CSMD2: variants seen among roughly 807,000 people sequenced by gnomAD.
CSMD2 encodes the protein CUB and Sushi multiple domains 2, also known as CUB and sushi domain-containing protein 2.
Under a neutral mutation model 398.5 loss-of-function variants are expected in CSMD2, and 130 were observed. The ratio of observed to expected loss-of-function variants is 0.33; its 90% CI spans 0.28 to 0.38. The LOEUF is 0.38. CSMD2 is among the 10% of genes least tolerant of loss of function. The pLI is 1.00. For synonymous variants in CSMD2, 1,828 were observed against 1,908.5 expected (o/e 0.96, Z 1.10); for missense variants, 3,829 against 4,764.9 (o/e 0.80, Z 5.78).
intron 13 of CSMD2, among the ~76,000 whole-genome samples, chr1:33,761,148 AG>A (rs1649769214): frequency 6.6e-6 from 1 of 152,178 alleles, no homozygotes; most frequent in Non-Finnish European, 1.5e-5. Flanking sequence ...GGTACTGAAC[AG>A]CCCTTCACTT....
intron 1 of CSMD2, among the ~76,000 whole-genome samples, chr1:34,154,505 G>T (rs1317752122): frequency 6.6e-6 from 1 of 152,094 alleles, no homozygotes; most frequent in Non-Finnish European, 1.5e-5. Context: ...CTATCCTCAG[G>T]GGAACAGATA....
At chr1:33,711,899 C>G (rs893667847) in intron 21 of CSMD2, among the ~76,000 whole-genome samples, 8 of 152,304 alleles carry the variant, frequency 5.3e-5, no homozygotes, top group African/African-American at 1.9e-4. Context: ...CCTGTCAGGC[C>G]TTTGTCCTGG....
intron 12 of CSMD2, among the ~76,000 whole-genome samples, chr1:33,778,828 G>A (rs949425621): frequency 6.6e-6 from 1 of 152,174 alleles, no homozygotes; most frequent in South Asian, 2.1e-4. Context: ...CTCTGGCTGG[G>A]AGCGCTGGAC....
At chr1:33,700,058 G>A (rs1023472151) in intron 23 of CSMD2, among the ~76,000 whole-genome samples, 1 of 151,132 alleles carries the variant, frequency 6.6e-6, no homozygotes, top group African/African-American at 2.4e-5. Context: ...ACCCAGGCTA[G>A]AGTGCAGTGG....
intron 5 of CSMD2, chr1:33,885,261 G>T (rs1641511512): frequency 6.6e-6 from 1 of 151,974 alleles, no homozygotes; most frequent in African/African-American, 2.4e-5. Flanking sequence ...TATTTCCAGT[G>T]GCCTATGCAG....
chr1:33,926,545 C>T (rs1406148034), intron 4 of CSMD2, among the ~76,000 whole-genome samples: 1 of 152,168 alleles, frequency 6.6e-6, no homozygotes, highest in South Asian at 2.1e-4. Context: ...CTTGCATCAT[C>T]CTGTTTTGAT....
chr1:33,744,411 A>T (rs774407574), intron 13 of CSMD2, among the ~76,000 whole-genome samples: 40 of 152,198 alleles, frequency 2.6e-4, no homozygotes, highest in Admixed American at 6.5e-4. Flanking sequence ...TTCTGAAGAA[A>T]CTGGGGGAGG....
chr1:33,625,831 T>C (rs1642088762), intron 33 of CSMD2, among the ~76,000 whole-genome samples: 1 of 152,070 alleles, frequency 6.6e-6, no homozygotes, highest in South Asian at 2.1e-4. Flanking sequence ...CCTACAAAAG[T>C]GGATGTTCTC....
chr1:33,879,969 T>G (rs1460384301), intron 5 of CSMD2, among the ~76,000 whole-genome samples: 2 of 152,198 alleles, frequency 1.3e-5, no homozygotes, highest in African/African-American at 4.8e-5. Context: ...TTGTAAACAT[T>G]ACCTTATTTA....
intron 3 of CSMD2, among the ~76,000 whole-genome samples, chr1:34,027,175 A>T (rs1005240381): frequency 6.6e-6 from 1 of 152,238 alleles, no homozygotes; most frequent in African/African-American, 2.4e-5. Flanking sequence ...GCACTTACAA[A>T]GAAGATAAGA....
At position 33,826,909 on chromosome 1, in the gene CSMD2, G is replaced by A. The variant is rs1023407870; in HGVS notation, c.1034-1135C>T. Among the ~76,000 whole-genome samples, 3 of 152,268 alleles carry A rather than the reference G, an allele frequency of 2.0e-5. No individual in the cohort carries two copies. The East Asian group carries it at 5.8e-4, about 29-fold the overall frequency. On this transcript the variant is annotated intron_variant, in intron 6 of 70. Coordinates refer to ENST00000373381, the MANE Select transcript of CSMD2 (RefSeq NM_001281956.2). ...CCTGCTCAGATTGATACCCAGGAGT[G>A]GTGACAACAACTGTAACTGGGCACT...
At chr1:33,772,441 A>G (rs1651403480) in intron 13 of CSMD2, 128 bp downstream of exon 13, 2 of 781,424 alleles carry the variant, frequency 2.6e-6, no homozygotes, top group South Asian at 3.4e-5. Context: ...GAGTAGAATA[A>G]ACCAACCAGA....
intron 2 of CSMD2, among the ~76,000 whole-genome samples, chr1:34,033,443 T>C (rs2148158159): frequency 6.6e-6 from 1 of 152,382 alleles, no homozygotes; most frequent in Admixed American, 6.5e-5. Flanking sequence ...AATATGCTTT[T>C]AGCACAAGAT....
chr1:33,918,728 G>C (rs1271224481), intron 4 of CSMD2, among the ~76,000 whole-genome samples: 1 of 152,204 alleles, frequency 6.6e-6, no homozygotes, highest in Non-Finnish European at 1.5e-5. Flanking sequence ...AAAAGATTTG[G>C]AGACAGGGGA....
At chr1:33,560,117 C>CAAT (rs888406856) in intron 53 of CSMD2, among the ~76,000 whole-genome samples, 1 of 152,142 alleles carries the variant, frequency 6.6e-6, no homozygotes, top group Non-Finnish European at 1.5e-5. Flanking sequence ...CTGCAGGGAG[C>CAAT]AATGTTCTCG....
intron 3 of CSMD2, among the ~76,000 whole-genome samples, chr1:34,025,034 C>T (rs1240191880): frequency 1.3e-5 from 2 of 152,156 alleles, no homozygotes; most frequent in African/African-American, 4.8e-5. Flanking sequence ...TGCACAGTGG[C>T]ATGATCACCT....
intron 55 of CSMD2, among the ~76,000 whole-genome samples, chr1:33,555,823 G>A (rs902338708): frequency 2.6e-5 from 4 of 152,198 alleles, no homozygotes; most frequent in Admixed American, 6.5e-5. Context: ...AAAAATTTGT[G>A]TGACTTATTT....
intron 2 of CSMD2, among the ~76,000 whole-genome samples, chr1:34,060,400 G>A (rs1654338387): frequency 6.6e-6 from 1 of 152,286 alleles, no homozygotes; most frequent in African/African-American, 2.4e-5. Flanking sequence ...TCTATAATTA[G>A]AATGTATTTA....
At chr1:34,147,207 G>T (rs1028335518) in intron 1 of CSMD2, among the ~76,000 whole-genome samples, 1 of 152,062 alleles carries the variant, frequency 6.6e-6, no homozygotes, top group Non-Finnish European at 1.5e-5. Context: ...GCAGTGAGCC[G>T]AGATCGTGCC....
Sources: gnomAD v4.1 joint callset for allele counts (sites outside exome capture counted in the v4.1 genomes callset) on GRCh38, gnomAD v4.1.1 for gene constraint, MANE v1.5 for transcripts, NCBI Gene and HGNC (gene_info 2026-07-23, HGNC 2026-07-21) for gene names.